The following ABHD16A variants were observed in gnomAD, a reference collection of about 807,000 sequenced individuals.
ABHD16A encodes the protein abhydrolase domain containing 16A, phospholipase.
ABHD16A carries 47 observed loss-of-function variants against 89.8 expected under a neutral mutation model. The observed-to-expected ratio is 0.52, with a 90% CI of 0.41 to 0.67. ABHD16A has a LOEUF of 0.67. Ranked by LOEUF, ABHD16A falls within the 30% of genes least tolerant of loss-of-function variation. ABHD16A has a pLI of 0.00. For missense variants in ABHD16A, 580 were observed against 734.6 expected (o/e 0.79, Z 2.43); for synonymous variants, 251 against 280.4 (o/e 0.90, Z 1.05).
Position 31,693,387 on chromosome 6 carries a change from C to T in ABHD16A, c.475G>A (p.Asp159Asn), listed in dbSNP as rs148687021. ...CTGCTGGGTTCTTCCCAGTGGAAGT[C>T]GACTGGCCAGCTCCGGAAGTCAAAG... ...YNFDFRSWPV[D>N]FHWEEPSSRK... The change falls in exon 6 of 20, where the codon GAC becomes AAC. Residue 159 changes from aspartate to asparagine, a missense_variant. Physicochemically the swap from Asp to Asn is conservative, Grantham distance 23. Transcript: ENST00000395952. The surrounding 1 kb of genome is among the most constrained non-coding windows in gnomAD (Gnocchi z 5.0). The T allele has an allele frequency of 4.1e-4, 669 of 1,613,004 alleles. 6 individuals are homozygous for T. The East Asian group carries it at 0.014, about 34-fold the overall frequency.
At position 31,692,791 on chromosome 6, in the gene ABHD16A, C is replaced by A. The variant is rs1804020174; in HGVS notation, c.626+236G>T. 2.9e-5 allele frequency: 7 copies of A among 245,182 alleles called. 1 individual carries two copies. The highest frequency in any genetic ancestry group is 2.3e-4 in the South Asian group (5 of 21,800). The allele number at this position is 245,182 out of a possible 1,614,324, so 15.2% of individuals were successfully genotyped here. On this transcript the variant is annotated intron_variant, in intron 7 of 19. Transcript: ENST00000395952. ...CTCCTTTTCAGCCTCACTGAAGGAG[C>A]TTTTGTTCATATCCCAGTTCTTTAC...
chr6:31,696,489 G>A (rs1342007544), intron 5 of ABHD16A, among the ~76,000 whole-genome samples: 1 of 151,856 alleles, frequency 6.6e-6, no homozygotes, highest in African/African-American at 2.4e-5. Context: ...AAAAATTAGA[G>A]GGTGTGGGTG....
rs1583704288 is a variant in ABHD16A at position 31,696,882 on chromosome 6, C to T, written c.429+66G>A. The stretch of plus-strand genomic sequence containing the variant: ...TTCCTGCAGAAGCCAGTGTCTGGTG[C>T]TCTGAGGGACAACTGAGAAAGCTGC... On this transcript the variant is annotated intron_variant, in intron 5 of 19. Transcript: ENST00000395952. 3.4e-6 allele frequency: 5 copies of T among 1,467,674 alleles called. No individual in the cohort carries two copies. In the East Asian group the frequency reaches 9.1e-5, roughly 27 times the overall value. The allele number at this position is 1,467,674 out of a possible 1,614,324, so 90.9% of individuals were successfully genotyped here.
chr6:31,687,262 G>A lies in ABHD16A; in HGVS notation c.1627C>T (p.His543Tyr). ...RKHLHNFEAT[H>Y]CTPLPAQNFQ... is the part of the protein sequence containing the mutation. ...TTCTGGGCTGGGAGTGGGGTGCAGT[G>A]AGTGGCCTCAAAGTTGTGCAGATGC... Residue 543 changes from histidine to tyrosine, a missense_variant, in exon 20 of 20, where the codon CAC (histidine) becomes TAC (tyrosine). Physicochemically the swap from His to Tyr is moderately conservative, Grantham distance 83. This residue lies in a region of ABHD16A where 415 missense variants were observed against 568.8 expected (regional missense o/e 0.73). Transcript: ENST00000395952. This position sits in a 1 kb window ranked among gnomAD's most constrained non-coding sequence, Gnocchi z 6.3. The A allele has an allele frequency of 6.2e-7, 1 of 1,612,982 alleles. No homozygotes were observed. Among genetic ancestry groups the A allele is most frequent in the Non-Finnish European group, 8.5e-7 (1 of 1,179,984 alleles).
chr6:31,689,255 T>C, intron 12 of ABHD16A, 136 bp from the exon 13 acceptor site: 1 of 845,168 alleles, frequency 1.2e-6, no homozygotes, highest in Non-Finnish European at 1.8e-6. Context: ...CTTAACCTAC[T>C]TCACTTGGTT....
At position 31,691,640 on chromosome 6, in the gene ABHD16A, T is replaced by C. The variant is rs754163784; in HGVS notation, c.782A>G (p.Asn261Ser). The C allele has an allele frequency of 3.1e-6, 5 of 1,612,548 alleles. No individual in the cohort carries two copies. Among genetic ancestry groups the C allele is most frequent in the Admixed American group, 1.7e-5 (1 of 59,976 alleles). The change falls in exon 9 of 20, where the codon AAT (asparagine) becomes AGT (serine). Residue 261 changes from asparagine (N) to serine (S), a missense_variant. By Grantham distance (46) the Asn-to-Ser change is conservative (BLOSUM62 1). Coordinates refer to ENST00000395952, the MANE Select transcript of ABHD16A (RefSeq NM_021160.3). ...RRAKLLACDG[N>S]EIDTMFVDRR... ...GTCCACAAACATGGTGTCAATCTCA[T>C]TGCCATCACAGGCCAGCAGCTTTGC...
rs2151225702 is a variant in ABHD16A at position 31,689,644 on chromosome 6, G to A, written c.1018C>T (p.His340Tyr). 1 of 1,612,438 alleles carries A rather than the reference G, an allele frequency of 6.2e-7. No homozygotes were observed. Among genetic ancestry groups the A allele is most frequent in the Non-Finnish European group, 8.5e-7 (1 of 1,179,722 alleles). ...AMDVVVQFAI[H>Y]RLGFQPQDII... ...TCCTGGGGCTGGAAGCCTAGGCGGT[G>A]GATGGCAAACTGGACCACCACATCC... Residue 340 changes from histidine to tyrosine, a missense_variant, in exon 12 of 20, where the codon CAC (histidine) becomes TAC (tyrosine). His to Tyr is a moderately conservative substitution (Grantham distance 83, BLOSUM62 2). Transcript: ENST00000395952.
At chr6:31,696,410 A>G (rs1026045716) in intron 5 of ABHD16A, among the ~76,000 whole-genome samples, 6 of 151,788 alleles carry the variant, frequency 4.0e-5, no homozygotes, top group African/African-American at 7.3e-5. Flanking sequence ...GGGCAGGCAG[A>G]TCGCCTGAGG....
chr6:31,688,843 G>C lies in ABHD16A; in HGVS notation c.1187-57C>G. 1 of 1,565,202 alleles carries C rather than the reference G, an allele frequency of 6.4e-7. No homozygotes were observed. The highest frequency in any genetic ancestry group is 8.8e-7 in the Non-Finnish European group (1 of 1,142,560). On this transcript the variant is annotated intron_variant, in intron 13 of 19. Coordinates refer to ENST00000395952, the MANE Select transcript of ABHD16A (RefSeq NM_021160.3). The surrounding 1 kb of genome is among the most constrained non-coding windows in gnomAD (Gnocchi z 4.9). ...AGACAAAGCCCTTGCCCAACATAAA[G>C]GTCCTCACTATTCACGGAGAAAGAA...
chr6:31,689,753 C>A, intron 11 of ABHD16A, 49 bp from the exon 12 acceptor site: 1 of 1,570,964 alleles, frequency 6.4e-7, no homozygotes, highest in South Asian at 1.2e-5. Context: ...CAAAGGCCAG[C>A]TCACCTGTCC....
intron 8 of ABHD16A, 55 bp from the exon 9 acceptor site, chr6:31,691,735 G>C: frequency 6.5e-7 from 1 of 1,534,402 alleles, no homozygotes; most frequent in Non-Finnish European, 8.9e-7. Context: ...CCACATCACA[G>C]GGGTGGGGCG....
At chr6:31,697,124 A>C (rs771600554) in intron 4 of ABHD16A, 91 bp from the exon 5 acceptor site, 49 of 1,167,476 alleles carry the variant, frequency 4.2e-5, no homozygotes, top group Non-Finnish European at 6.2e-5. Flanking sequence ...GGCTAGAAGA[A>C]GGCCCTGTAA....
chr6:31,691,949 C>A, intron 7 of ABHD16A, 31 bp from the exon 8 acceptor site: 6 of 1,545,602 alleles, frequency 3.9e-6, no homozygotes, highest in African/African-American at 1.4e-5. Flanking sequence ...CAAACCCCAA[C>A]CCTGTTGAGG....
chr6:31,690,655 C>T lies in ABHD16A; in HGVS notation c.844-53G>A, dbSNP rs1383756047. ...GGGGGGCCAAGTTGGGACTGAAAAA[C>T]TCCCTTTGGGCAGGGAGGGCAGCCC... On this transcript the variant is annotated intron_variant, in intron 9 of 19. Transcript: ENST00000395952. This position sits in a 1 kb window ranked among gnomAD's most constrained non-coding sequence, Gnocchi z 4.1. 8 of 1,566,298 alleles carry T rather than the reference C, an allele frequency of 5.1e-6. No individual in the cohort carries two copies. Among genetic ancestry groups the T allele is most frequent in the South Asian group, 1.1e-5 (1 of 90,144 alleles).
rs1334701861 is a variant in ABHD16A, at chr6:31,693,782, G to A, written c.430-350C>T. Reference sequence around the variant, plus strand: ...GTAGTAGGGGTCGCTGGCTGGTCACGGTCTATTCCCCACCTGGGTCCCTTA... The same window carrying A: ...GTAGTAGGGGTCGCTGGCTGGTCACAGTCTATTCCCCACCTGGGTCCCTTA... On this transcript the variant is annotated intron_variant, in intron 5 of 19. Coordinates refer to ENST00000395952, the MANE Select transcript of ABHD16A (RefSeq NM_021160.3). This position sits in a 1 kb window ranked among gnomAD's most constrained non-coding sequence, Gnocchi z 5.0. Among the ~76,000 whole-genome samples, 2 of 152,250 alleles carry A rather than the reference G, an allele frequency of 1.3e-5. No individual in the cohort carries two copies. Among genetic ancestry groups the A allele is most frequent in the Non-Finnish European group, 2.9e-5 (2 of 68,018 alleles).
intron 5 of ABHD16A, among the ~76,000 whole-genome samples, chr6:31,695,204 C>CA (rs1804272727): frequency 6.6e-6 from 1 of 152,146 alleles, no homozygotes; most frequent in Non-Finnish European, 1.5e-5. Context: ...AGCCCATCCT[C>CA]AAAGATAATC....
rs142905776 is a variant in ABHD16A, at chr6:31,690,550, G to A, written c.896C>T (p.Thr299Met). 31 of 1,612,906 alleles carry A rather than the reference G, an allele frequency of 1.9e-5. No homozygotes were observed. Among genetic ancestry groups the A allele is most frequent in the Non-Finnish European group, 2.3e-5 (27 of 1,179,992 alleles). ...AGTCACCGTCCTACCTTCCAGGGGC[G>A]TGGAGACGCAGCCCACCTCATAAAA... ...AGFYEVGCVSTPLEAGYSVLG... is the reference protein window; with the variant it reads ...AGFYEVGCVSMPLEAGYSVLG... Residue 299 changes from threonine (T) to methionine (M), a missense_variant, in exon 10 of 20, where the codon ACG becomes ATG. By Grantham distance (81) the Thr-to-Met change is moderately conservative. Coordinates refer to ENST00000395952, the MANE Select transcript of ABHD16A (RefSeq NM_021160.3). This position sits in a 1 kb window ranked among gnomAD's most constrained non-coding sequence, Gnocchi z 4.1.
In ABHD16A at chr6:31,687,697, C is replaced by A. The variant is rs1179505144; in HGVS notation, c.1491G>T (p.Leu497=). 1 of 1,612,830 alleles carries A rather than the reference C, an allele frequency of 6.2e-7. No homozygotes were observed. The highest frequency in any genetic ancestry group is 1.3e-5 in the African/African-American group (1 of 74,910). The change falls in exon 18 of 20, where the codon CTG becomes CTT. Residue 497 remains leucine (L), a synonymous_variant. Coordinates refer to ENST00000395952, the MANE Select transcript of ABHD16A (RefSeq NM_021160.3). This position sits in a 1 kb window ranked among gnomAD's most constrained non-coding sequence, Gnocchi z 6.3. ...SRWEVEEDWC[L]SVLRSYQAEH... ...CTGCCTGGTAGGAGCGGAGGACAGA[C>A]AGACACCAGTCCTCTTCCACCTCCC...
rs758549030 is a variant in ABHD16A at position 31,687,160 on chromosome 6, T to C, written c.*52A>G. The C allele has an allele frequency of 4.9e-5, 75 of 1,516,958 alleles. No homozygotes were observed. Among genetic ancestry groups the C allele is most frequent in the Non-Finnish European group, 5.4e-5 (59 of 1,100,004 alleles). The allele number at this position is 1,516,958 out of a possible 1,614,324, so 94.0% of individuals were successfully genotyped here. On this transcript the variant is annotated 3_prime_UTR_variant, in exon 20 of 20. Transcript: ENST00000395952. This position sits in a 1 kb window ranked among gnomAD's most constrained non-coding sequence, Gnocchi z 6.3. Reference sequence around the variant, plus strand: ...CAGAGAATCACAAATAAGAGGGTCTTTCCTCATGTCTCCTCTCACCCCATT... The same window carrying C: ...CAGAGAATCACAAATAAGAGGGTCTCTCCTCATGTCTCCTCTCACCCCATT...
Sources: allele counts gnomAD v4.1 joint callset (sites outside exome capture counted in the v4.1 genomes callset), GRCh38; gene constraint gnomAD v4.1.1; regional missense constraint gnomAD v4.1.1; non-coding constraint Gnocchi (gnomAD v3.1); transcripts MANE v1.5; gene names NCBI Gene and HGNC (gene_info 2026-07-23, HGNC 2026-07-21).